Variants in DHDH observed in about 807,000 individuals in gnomAD.
DHDH encodes the protein dihydrodiol dehydrogenase.
Under a neutral mutation model 33.2 loss-of-function variants are expected in DHDH, and 29 were observed. The observed-to-expected ratio is 0.87, with a 90% CI of 0.65 to 1.19. The LOEUF is 1.19. Ranked by LOEUF, DHDH falls within the 50% of genes most tolerant of loss-of-function variation. DHDH has a pLI of 0.00. For synonymous variants in DHDH, 201 were observed against 187.9 expected (o/e 1.07, Z -0.57); for missense variants, 431 against 455.0 (o/e 0.95, Z 0.48).
chr19:48,934,903 TC>T, intron 1 of DHDH, 96 bp from the exon 2 acceptor site: 1 of 917,800 alleles, frequency 1.1e-6, no homozygotes, highest in South Asian at 2.1e-5. Context: ...GGACCACGTC[TC>T]CCCTTCCCCT....
At chr19:48,933,891 TTCAGGACTAGTGAGTGGGTCG>T in intron 1 of DHDH, 80 bp downstream of exon 1, 1 of 1,365,596 alleles carries the variant, frequency 7.3e-7, no homozygotes. Context: ...GAGTTTAGGG[TTCAGGACTAGTGAGTGGGTCG>T]TCATTGCAGT....
At chr19:48,942,033 A>G (rs1163036552) in intron 4 of DHDH, among the ~76,000 whole-genome samples, 1 of 137,332 alleles carries the variant, frequency 7.3e-6, no homozygotes, top group Non-Finnish European at 1.5e-5. Context: ...TGTGTGATGG[A>G]GTCTCGCTCT....
chr19:48,935,417 A>T (rs2037757896), intron 2 of DHDH, among the ~76,000 whole-genome samples: 1 of 152,196 alleles, frequency 6.6e-6, no homozygotes, highest in South Asian at 2.1e-4. Flanking sequence ...GCTACTGGGG[A>T]GGCTGAGGCA....
rs35307000 is a variant in DHDH at position 48,944,848 on chromosome 19, C to T, written c.920C>T (p.Pro307Leu). Residue 307 changes from proline (P) to leucine (L), a missense_variant, in exon 7 of 7, where the codon CCC becomes CTC. By Grantham distance (98) the Pro-to-Leu change is moderately conservative. Coordinates refer to ENST00000221403, the MANE Select transcript of DHDH (RefSeq NM_014475.4). Reference protein sequence around the residue: ...RKGMKESPVIPLSESELLADI... With the variant: ...RKGMKESPVILLSESELLADI... ...GGTATGAAGGAAAGTCCTGTGATTCCCCTGTCGGAAAGTGAGCTCCTGGCT... is the reference window on the plus strand; with the variant it reads ...GGTATGAAGGAAAGTCCTGTGATTCTCCTGTCGGAAAGTGAGCTCCTGGCT... The T allele has an allele frequency of 4.7e-5, 76 of 1,613,682 alleles. No homozygotes were observed. The highest frequency in any genetic ancestry group is 1.7e-4 in the Middle Eastern group (1 of 5,792).
rs2037824180 is a variant in DHDH at position 48,939,390 on chromosome 19, A to AT, written c.367-57dup. ...GGGTTGCAGTGGGTATCCCCCTATG[A>AT]TTGGGACCCCAGAAGGGATTAGAAC... On this transcript the variant is annotated intron_variant, in intron 3 of 6. Coordinates refer to ENST00000221403, the MANE Select transcript of DHDH (RefSeq NM_014475.4). 3 of 1,548,234 alleles carry AT rather than the reference A, an allele frequency of 1.9e-6. No individual in the cohort carries two copies. The South Asian group carries it at 3.6e-5, about 19-fold the overall frequency.
chr19:48,940,162 C>G (rs1159714366), intron 4 of DHDH, among the ~76,000 whole-genome samples: 1 of 151,902 alleles, frequency 6.6e-6, no homozygotes, highest in Non-Finnish European at 1.5e-5. Flanking sequence ...GGAGACCACC[C>G]TGGCCAATAT....
chr19:48,943,107 T>C (rs995508809), intron 5 of DHDH, among the ~76,000 whole-genome samples: 1 of 151,278 alleles, frequency 6.6e-6, no homozygotes, highest in African/African-American at 2.4e-5. Context: ...GCCGGCACGG[T>C]GGTCACACCT....
intron 5 of DHDH, 43 bp from the exon 6 acceptor site, chr19:48,944,314 A>T (rs766503477): frequency 6.2e-7 from 1 of 1,611,944 alleles, no homozygotes; most frequent in Non-Finnish European, 8.5e-7. Flanking sequence ...CCTCAGCAGC[A>T]CCGTTGGTGA....
chr19:48,944,786 G>A (rs750969106), intron 6 of DHDH, 38 bp from the exon 7 acceptor site: 42 of 1,571,948 alleles, frequency 2.7e-5, no homozygotes, highest in Admixed American at 6.7e-5. Context: ...TCTTGGGCGC[G>A]TGGGTAGGAG....
At chr19:48,933,544 C>T (rs2122236534), upstream of DHDH, 1 of 618,694 alleles carries the variant, frequency 1.6e-6, no homozygotes, top group South Asian at 1.8e-5. Flanking sequence ...CTAAACGGTG[C>T]ATTCGCCCAG....
chr19:48,940,368 G>T (rs1463062034), intron 4 of DHDH, among the ~76,000 whole-genome samples: 1 of 149,404 alleles, frequency 6.7e-6, no homozygotes, highest in African/African-American at 2.5e-5. Flanking sequence ...AAAAAAAAAA[G>T]CTGCCCCACT....
At chr19:48,939,334 C>G in intron 3 of DHDH, 115 bp from the exon 4 acceptor site, 1 of 1,262,054 alleles carries the variant, frequency 7.9e-7, no homozygotes, top group Non-Finnish European at 1.1e-6. Context: ...AGGGATACAA[C>G]CTGGGGACTG....
At chr19:48,937,235 C>G (rs967414308) in intron 3 of DHDH, among the ~76,000 whole-genome samples, 1 of 152,190 alleles carries the variant, frequency 6.6e-6, no homozygotes, top group Non-Finnish European at 1.5e-5. Context: ...AGAGCCTGCG[C>G]AGAGCCTGCC....
At chr19:48,937,254 C>T (rs893552332) in intron 3 of DHDH, among the ~76,000 whole-genome samples, 2 of 152,192 alleles carry the variant, frequency 1.3e-5, no homozygotes, top group African/African-American at 4.8e-5. Context: ...CCCCCGGCTC[C>T]CCAGTGCCCT....
intron 4 of DHDH, among the ~76,000 whole-genome samples, chr19:48,941,307 C>G (rs1451023214): frequency 2.0e-5 from 3 of 152,166 alleles, no homozygotes; most frequent in African/African-American, 7.2e-5. Flanking sequence ...TCTAATTACA[C>G]CATATTTGCT....
chr19:48,944,527 G>A lies in DHDH; in HGVS notation c.895+20G>A, dbSNP rs747664167. 3.8e-6 allele frequency: 6 copies of A among 1,573,990 alleles called. No individual in the cohort carries two copies. The African/African-American group carries it at 6.7e-5, about 18-fold the overall frequency. ...GCAAGGGTAAGGATATGGATGCGGG[G>A]CAGGCGCCAGGCCTGGTAGGGGGAT... On this transcript the variant is annotated intron_variant, in intron 6 of 6. Coordinates refer to ENST00000221403, the MANE Select transcript of DHDH (RefSeq NM_014475.4).
chr19:48,936,129 C>T lies in DHDH; in HGVS notation c.300C>T (p.Gly100=), dbSNP rs779514294. ...CCGTTCTGTGCGAGAAGCCCACGGG[C>T]GTGAACGCGGCGGAAGTTCGCGAGA... ...GKAVLCEKPT[G]VNAAEVREMV... Residue 100 remains glycine, a synonymous_variant, in exon 3 of 7, where the codon GGC becomes GGT. Transcript: ENST00000221403. 27 of 1,610,420 alleles carry T rather than the reference C, an allele frequency of 1.7e-5. No individual in the cohort carries two copies. Among genetic ancestry groups the T allele is most frequent in the Middle Eastern group, 1.6e-4 (1 of 6,078 alleles).
intron 3 of DHDH, 95 bp downstream of exon 3, chr19:48,936,290 G>C (rs2037774614): frequency 1.4e-6 from 2 of 1,414,058 alleles, no homozygotes; most frequent in East Asian, 5.1e-5. Flanking sequence ...CATTTGCCAG[G>C]ATGTATCTGA....
At chr19:48,939,061 G>T (rs2122262782) in intron 3 of DHDH, among the ~76,000 whole-genome samples, 1 of 152,252 alleles carries the variant, frequency 6.6e-6, no homozygotes, top group East Asian at 1.9e-4. Flanking sequence ...CACGTGAATT[G>T]TGTTTGGCAG....
Sources: gnomAD v4.1 joint callset for allele counts (sites outside exome capture counted in the v4.1 genomes callset) on GRCh38, gnomAD v4.1.1 for gene constraint, MANE v1.5 for transcripts, NCBI Gene and HGNC (gene_info 2026-07-23, HGNC 2026-07-21) for gene names.